The following MAN1C1 variants were observed in gnomAD, a reference collection of about 807,000 sequenced individuals.
MAN1C1 encodes mannosyl-oligosaccharide 1,2-alpha-mannosidase IC.
MAN1C1 carries 49 observed loss-of-function variants against 71.5 expected under a neutral mutation model. The ratio of observed to expected loss-of-function variants is 0.69; its 90% CI spans 0.54 to 0.87. The LOEUF is 0.87. Among genes scored for constraint, MAN1C1 ranks in the 40% least tolerant of loss-of-function variants. MAN1C1 has a pLI of 0.00. For missense variants in MAN1C1, 743 were observed against 835.0 expected, an observed-to-expected ratio of 0.89 and a Z score of 1.36; for synonymous variants, 352 against 343.7, an observed-to-expected ratio of 1.02 and a Z score of -0.27.
intron 1 of MAN1C1, among the ~76,000 whole-genome samples, chr1:25,628,032 G>A (rs867626920): frequency 6.6e-6 from 1 of 152,248 alleles, no homozygotes. Flanking sequence ...GGGTGACAGA[G>A]TGAGGCACTG....
At position 25,617,834 on chromosome 1, in the gene MAN1C1, TC is replaced by T. The variant is rs1173586822; in HGVS notation, c.41del (p.Pro14ArgfsTer168). On this transcript the variant is annotated frameshift_variant, in exon 1 of 12. Transcript: ENST00000374332. LOFTEE classifies it high-confidence loss of function. The surrounding 1 kb of genome is among the most constrained non-coding windows in gnomAD (Gnocchi z 5.1). ...MRKVPGFVPASPWGLRLPQKF... is the reference protein window; with the variant it reads ...MRKVPGFVPAXPWGLRLPQKF... ...GAAAGTGCCCGGCTTCGTCCCGGCC[TC>T]CCCGTGGGGGCTGCGGCTGCCGCAG... 1 of 1,604,790 alleles carries T rather than the reference TC, an allele frequency of 6.2e-7. No homozygotes were observed. Among genetic ancestry groups the T allele is most frequent in the Non-Finnish European group, 8.5e-7 (1 of 1,176,702 alleles).
chr1:25,772,219 C>T (rs148772438), intron 8 of MAN1C1: 40 of 158,662 alleles, frequency 2.5e-4, no homozygotes, highest in Non-Finnish European at 4.8e-4. Context: ...AGAAGTATGT[C>T]CAAGCTGGAA....
At chr1:25,770,715 G>A (rs1243268888) in intron 7 of MAN1C1, among the ~76,000 whole-genome samples, 7 of 86,802 alleles carry the variant, frequency 8.1e-5, no homozygotes, top group African/African-American at 1.8e-4. Context: ...TCTTCCCCCC[G>A]CCCACTTTCC....
intron 2 of MAN1C1, among the ~76,000 whole-genome samples, chr1:25,689,294 C>T (rs1224336926): frequency 7.9e-5 from 12 of 152,120 alleles, no homozygotes; most frequent in Admixed American, 5.9e-4. Flanking sequence ...CATGGGCAGT[C>T]CTTACGGGCT....
Position 25,771,753 on chromosome 1 carries a change from T to C in MAN1C1, c.1238T>C (p.Met413Thr), listed in dbSNP as rs960360386. 5 of 1,613,562 alleles carry C rather than the reference T, an allele frequency of 3.1e-6. No homozygotes were observed. Among genetic ancestry groups the C allele is most frequent in the Admixed American group, 1.7e-5 (1 of 60,012 alleles). ...AAGACAGATATGGAGGCTAAAAATA[T>C]GTACTACGAAGCCTTGGAGGTAAGA... ...SGKTDMEAKN[M>T]YYEALEAIET... Residue 413 changes from methionine (M) to threonine (T), a missense_variant, in exon 8 of 12, where the codon ATG becomes ACG. By Grantham distance (81) the Met-to-Thr change is moderately conservative. Coordinates refer to ENST00000374332, the MANE Select transcript of MAN1C1 (RefSeq NM_020379.4).
chr1:25,649,002 C>T (rs2045654112), intron 1 of MAN1C1, among the ~76,000 whole-genome samples: 1 of 152,226 alleles, frequency 6.6e-6, no homozygotes, highest in Admixed American at 6.5e-5. Flanking sequence ...TTCCTGTCAG[C>T]AACTGAACAG....
Position 25,783,778 on chromosome 1 carries a change from G to C in MAN1C1, c.1882G>C (p.Gly628Arg). 6.2e-7 allele frequency: 1 copy of C among 1,611,092 alleles called. No individual in the cohort carries two copies. The highest frequency in any genetic ancestry group is 8.5e-7 in the Non-Finnish European group (1 of 1,179,968). Residue 628 changes from glycine to arginine, a missense_variant, in exon 12 of 12, where the codon GGC becomes CGC. Physicochemically the swap from Gly to Arg is moderately radical, Grantham distance 125. Transcript: ENST00000374332. ...NHSDSSGRAW[G>R]RH ...CTCAGACAGCTCCGGCAGAGCCTGG[G>C]GCAGACACTGACCCCATCTCCTGCC...
chr1:25,758,156 G>A (rs1457845484), intron 5 of MAN1C1, among the ~76,000 whole-genome samples: 2 of 152,210 alleles, frequency 1.3e-5, no homozygotes, highest in African/African-American at 4.8e-5. Flanking sequence ...CCGAATCACA[G>A]CACTGTTTAT....
intron 1 of MAN1C1, among the ~76,000 whole-genome samples, chr1:25,646,809 C>T (rs2045621289): frequency 6.6e-6 from 1 of 152,202 alleles, no homozygotes; most frequent in Admixed American, 6.5e-5. Flanking sequence ...TTTCTTTCTC[C>T]ATTCTTCTGT....
At chr1:25,633,209 C>A (rs1355602215) in intron 1 of MAN1C1, among the ~76,000 whole-genome samples, 1 of 152,114 alleles carries the variant, frequency 6.6e-6, no homozygotes, top group East Asian at 1.9e-4. Flanking sequence ...GTTTTGTGTC[C>A]TATCATATGG....
intron 1 of MAN1C1, among the ~76,000 whole-genome samples, chr1:25,661,371 C>T (rs1276913686): frequency 6.6e-6 from 1 of 152,188 alleles, no homozygotes; most frequent in Non-Finnish European, 1.5e-5. Context: ...AAGACAGACC[C>T]AAAATACAAA....
chr1:25,660,396 C>CTT lies in MAN1C1; in HGVS notation c.541-26017_541-26016dup, dbSNP rs1178878513. ...AGCTTGGGCAACAAGAGTGAAATTC[C>CTT]TTTTTTTTTTTTTTTTTTTTTTTTT... On this transcript the variant is annotated intron_variant, in intron 1 of 11. Coordinates refer to ENST00000374332, the MANE Select transcript of MAN1C1 (RefSeq NM_020379.4). 2.6e-3 allele frequency among the ~76,000 whole-genome samples: 249 copies of CTT among 97,632 alleles called. 12 individuals are homozygous for CTT. Among genetic ancestry groups the CTT allele is most frequent in the African/African-American group, 4.3e-3 (90 of 20,704 alleles). The allele number at this position is 97,632 out of a possible 152,430, so 64.1% of individuals were successfully genotyped here. A position where few individuals can be genotyped will look rare whatever the true frequency, so the allele number is the denominator to read the frequency against.
At chr1:25,637,251 A>G (rs546065350) in intron 1 of MAN1C1, among the ~76,000 whole-genome samples, 11 of 152,152 alleles carry the variant, frequency 7.2e-5, no homozygotes, top group Non-Finnish European at 1.5e-4. Flanking sequence ...AAAAATATCC[A>G]TTTAAAAATT....
At chr1:25,627,287 T>TTC (rs148354242) in intron 1 of MAN1C1, among the ~76,000 whole-genome samples, 1 of 151,770 alleles carries the variant, frequency 6.6e-6, no homozygotes, top group South Asian at 2.1e-4. Context: ...TTGTCTTCTC[T>TTC]TCTTCTCTTC....
chr1:25,659,310 C>T (rs1281477725), intron 1 of MAN1C1, among the ~76,000 whole-genome samples: 5 of 152,320 alleles, frequency 3.3e-5, no homozygotes, highest in Non-Finnish European at 7.3e-5. Flanking sequence ...CCGACCCTTA[C>T]GTCAGACCTA....
intron 1 of MAN1C1, among the ~76,000 whole-genome samples, chr1:25,657,480 T>G (rs1035385310): frequency 2.0e-5 from 3 of 152,174 alleles, no homozygotes; most frequent in Non-Finnish European, 4.4e-5. Context: ...TACCTTCTAG[T>G]GAATCATCCG....
At chr1:25,651,948 G>GCTGCCTGC (rs143244648) in intron 1 of MAN1C1, among the ~76,000 whole-genome samples, 1 of 152,210 alleles carries the variant, frequency 6.6e-6, no homozygotes, top group African/African-American at 2.4e-5. Flanking sequence ...AGAAGACCCT[G>GCTGCCTGC]CTGCCTGCCT....
Position 25,671,873 on chromosome 1 carries a change from G to A in MAN1C1, c.541-14567G>A, listed in dbSNP as rs150463992. Among the ~76,000 whole-genome samples the A allele has an allele frequency of 1.4e-3, 211 of 152,306 alleles. 5 individuals carry two copies. The East Asian group carries it at 0.036, about 26-fold the overall frequency. On this transcript the variant is annotated intron_variant, in intron 1 of 11. Coordinates refer to ENST00000374332, the MANE Select transcript of MAN1C1 (RefSeq NM_020379.4). ...ATTCCTTTCTGGAGGTTCTAGGGGAGTGCATTAATTAGGATTCTCCAGAGA... is the reference window on the plus strand; with the variant it reads ...ATTCCTTTCTGGAGGTTCTAGGGGAATGCATTAATTAGGATTCTCCAGAGA...
chr1:25,700,820 C>G (rs1485327895), intron 2 of MAN1C1, among the ~76,000 whole-genome samples: 1 of 152,092 alleles, frequency 6.6e-6, no homozygotes, highest in Non-Finnish European at 1.5e-5. Flanking sequence ...CCAGGCCAAG[C>G]GTAGGAGGCC....
Sources: allele counts gnomAD v4.1 joint callset (sites outside exome capture counted in the v4.1 genomes callset), GRCh38; gene constraint gnomAD v4.1.1; non-coding constraint Gnocchi (gnomAD v3.1); transcripts MANE v1.5; gene names NCBI Gene and HGNC (gene_info 2026-07-23, HGNC 2026-07-21).